Variants in ZNF131 observed in about 807,000 individuals in gnomAD.
The protein encoded by ZNF131 is zinc finger protein 131.
In ZNF131, 7 loss-of-function variants were observed where a neutral mutation model predicts 60.0. The ratio of observed to expected loss-of-function variants is 0.12; its 90% CI spans 0.07 to 0.22. The LOEUF is 0.22. ZNF131 is among the 10% of genes least tolerant of loss of function. The pLI is 1.00. For missense variants in ZNF131, 493 were observed against 740.9 expected (o/e 0.67, Z 3.88); for synonymous variants, 257 against 253.2 (o/e 1.01, Z -0.14).
intron 3 of ZNF131, among the ~76,000 whole-genome samples, chr5:43,130,264 C>CACAAAAAAAAA (rs1745145769): frequency 1.5e-5 from 1 of 68,406 alleles, no homozygotes; most frequent in East Asian, 6.4e-4. Flanking sequence ...ACTCTGTCTC[C>CACAAAAAAAAA]AAAAAAAAAA....
rs1018173631 is a variant in ZNF131, at chr5:43,161,579, C to T, written c.702C>T (p.Gly234=). ...GAAAAGGGCAGATTAAAGAAGATGG[C>T]TGTCCATCTGACCCCACGAGCAAAC... ...GDRKGQIKED[G]CPSDPTSKQV... The change falls in exon 5 of 7, where the codon GGC becomes GGT. Residue 234 remains glycine, a synonymous_variant. Coordinates refer to ENST00000682664, the MANE Select transcript of ZNF131 (RefSeq NM_001330707.2). 1.2e-6 allele frequency: 2 copies of T among 1,614,116 alleles called. No individual in the cohort carries two copies. Among genetic ancestry groups the T allele is most frequent in the Admixed American group, 1.7e-5 (1 of 60,012 alleles).
At chr5:43,134,744 G>C (rs1281036109) in intron 3 of ZNF131, among the ~76,000 whole-genome samples, 1 of 117,592 alleles carries the variant, frequency 8.5e-6, no homozygotes, top group Non-Finnish European at 1.6e-5. Context: ...CTTGTTGCCC[G>C]GGCTGGAGTG....
At chr5:43,134,939 C>T (rs1012956657) in intron 3 of ZNF131, among the ~76,000 whole-genome samples, 3 of 151,772 alleles carry the variant, frequency 2.0e-5, no homozygotes, top group African/African-American at 7.3e-5. Context: ...CTCAGGTGAT[C>T]CATCCACCTC....
chr5:43,171,969 T>C (rs931150827), intron 5 of ZNF131, among the ~76,000 whole-genome samples: 3 of 152,240 alleles, frequency 2.0e-5, no homozygotes, highest in African/African-American at 7.2e-5. Flanking sequence ...TTGCCCAGGC[T>C]GTTCCCGTCA....
intron 5 of ZNF131, chr5:43,173,091 TTTATC>T (rs1751204140): frequency 9.0e-6 from 3 of 332,336 alleles, no homozygotes; most frequent in Non-Finnish European, 1.6e-5. Flanking sequence ...GCAAATTATA[TTTATC>T]TTTGTCAAAG....
chr5:43,126,134 C>T (rs962915809), intron 3 of ZNF131, among the ~76,000 whole-genome samples: 3 of 152,188 alleles, frequency 2.0e-5, no homozygotes, highest in Admixed American at 1.3e-4. Flanking sequence ...TTAGCCCTGG[C>T]TTTAACTGTT....
intron 3 of ZNF131, among the ~76,000 whole-genome samples, chr5:43,130,264 C>CAAAAAATAAAA (rs1745146559): frequency 1.5e-5 from 1 of 68,406 alleles, no homozygotes; most frequent in Non-Finnish European, 2.7e-5. Flanking sequence ...ACTCTGTCTC[C>CAAAAAATAAAA]AAAAAAAAAA....
intron 3 of ZNF131, among the ~76,000 whole-genome samples, chr5:43,135,716 G>C (rs145587167): frequency 4.9e-4 from 74 of 152,244 alleles, no homozygotes; most frequent in Admixed American, 8.5e-4. Flanking sequence ...GCGAGACTCC[G>C]TCTCAAAAAA....
At chr5:43,167,901 TA>T in intron 5 of ZNF131, 1 of 442,402 alleles carries the variant, frequency 2.3e-6, no homozygotes, top group Admixed American at 2.5e-5. Context: ...CTGGAGAATT[TA>T]TAAAGAAAAG....
In ZNF131 at chr5:43,176,055, A is replaced by G. The variant is rs530967794; in HGVS notation, c.*922A>G. On this transcript the variant is annotated 3_prime_UTR_variant, in exon 7 of 7. Transcript: ENST00000682664. ...AAAATTAATGTATTTAAAATAAAGT[A>G]CAGAGAAAGACATGTATATAATTAT... 1 of 152,418 alleles carries G rather than the reference A, an allele frequency of 6.6e-6. No individual in the cohort carries two copies. The highest frequency in any genetic ancestry group is 1.9e-4 in the East Asian group (1 of 5,204). 9.4% of individuals were successfully genotyped at this position (152,418 alleles called of 1,614,324 possible). A position where few individuals can be genotyped will look rare whatever the true frequency, so the allele number is the denominator to read the frequency against.
intron 4 of ZNF131, among the ~76,000 whole-genome samples, chr5:43,148,213 A>C (rs1445394461): frequency 6.6e-6 from 1 of 152,022 alleles, no homozygotes. Flanking sequence ...CTCTACAAAA[A>C]AAAAAAAAAA....
At chr5:43,146,883 A>T (rs1162046796) in intron 4 of ZNF131, among the ~76,000 whole-genome samples, 1 of 152,088 alleles carries the variant, frequency 6.6e-6, no homozygotes, top group Non-Finnish European at 1.5e-5. Flanking sequence ...TCCAACATGG[A>T]TGACAGAAAC....
At chr5:43,150,770 T>C (rs1174683596) in intron 4 of ZNF131, among the ~76,000 whole-genome samples, 2 of 152,138 alleles carry the variant, frequency 1.3e-5, no homozygotes, top group Admixed American at 1.3e-4. Flanking sequence ...AGAGTGAAAC[T>C]CTGTCCCAAA....
At position 43,121,123 on chromosome 5, in the gene ZNF131, G is replaced by A. The variant is rs191008067; in HGVS notation, c.-16G>A. The A allele has an allele frequency of 1.9e-3, 287 of 152,610 alleles. 2 individuals carry two copies. Among genetic ancestry groups the A allele is most frequent in the Middle Eastern group, 9.7e-3 (3 of 308 alleles). The allele number at this position is 152,610 out of a possible 1,614,324, so 9.5% of individuals were successfully genotyped here. ...AGGAAGGAGGGCGACCCACGAGCTA[G>A]GTAAGGCGGGCCAACCCAGGTCTCG... On this transcript the variant is annotated splice_region_variant and 5_prime_UTR_variant, in exon 1 of 7. It removes the in-frame stop codon of an upstream open reading frame in the 5' UTR. Coordinates refer to ENST00000682664, the MANE Select transcript of ZNF131 (RefSeq NM_001330707.2).
At chr5:43,156,957 G>T (rs1326454267) in intron 4 of ZNF131, among the ~76,000 whole-genome samples, 1 of 150,100 alleles carries the variant, frequency 6.7e-6, no homozygotes, top group African/African-American at 2.4e-5. Flanking sequence ...TTAACATAAA[G>T]GTTAGGGAGC....
chr5:43,146,200 A>T (rs912697062), intron 4 of ZNF131, among the ~76,000 whole-genome samples: 1 of 152,200 alleles, frequency 6.6e-6, no homozygotes, highest in Non-Finnish European at 1.5e-5. Flanking sequence ...GCAGTATGGA[A>T]TTATTTTTGG....
chr5:43,162,948 T>TTTG (rs1561439628), intron 5 of ZNF131, among the ~76,000 whole-genome samples: 70 of 125,396 alleles, frequency 5.6e-4, no homozygotes, highest in South Asian at 1.0e-3. Context: ...GACATGTTTA[T>TTTG]ACTTCTTTTC....
intron 4 of ZNF131, among the ~76,000 whole-genome samples, chr5:43,151,436 G>A (rs774820368): frequency 1.4e-4 from 21 of 151,172 alleles, no homozygotes; most frequent in Non-Finnish European, 2.5e-4. Context: ...ATTTTGTTTC[G>A]TTTTGTTTTG....
At chr5:43,161,117 A>G in intron 4 of ZNF131, 132 bp from the exon 5 acceptor site, 1 of 748,614 alleles carries the variant, frequency 1.3e-6, no homozygotes, top group East Asian at 2.6e-5. Flanking sequence ...TCTTGAAATC[A>G]GGTAGGATAA....
Sources: allele counts gnomAD v4.1 joint callset (sites outside exome capture counted in the v4.1 genomes callset), GRCh38; gene constraint gnomAD v4.1.1; transcripts MANE v1.5; gene names NCBI Gene and HGNC (gene_info 2026-07-23, HGNC 2026-07-21).